The following LINGO2 variants were observed in gnomAD, a reference collection of about 807,000 sequenced individuals.
LINGO2 encodes the protein leucine rich repeat and Ig domain containing 2, also known as leucine-rich repeat and immunoglobulin-like domain-containing nogo receptor-interacting protein 2.
LINGO2 carries 14 observed loss-of-function variants against 30.6 expected under a neutral mutation model. The observed-to-expected ratio is 0.46, with a 90% CI of 0.30 to 0.72. The LOEUF (loss-of-function observed/expected upper bound fraction) is 0.72. Ranked by LOEUF, LINGO2 falls within the 30% of genes least tolerant of loss-of-function variation. The pLI is 0.07. For missense variants in LINGO2, 729 were observed against 751.7 expected (o/e 0.97, Z 0.35); for synonymous variants, 317 against 288.5 (o/e 1.10, Z -1.00).
the LINGO2 span, among the ~76,000 whole-genome samples, chr9:29,001,933 T>A: frequency 6.6e-6 from 1 of 152,064 alleles, no homozygotes; most frequent in Admixed American, 6.6e-5. Flanking sequence ...CCCACCTGCT[T>A]CTCTCTTCAT....
chr9:28,924,857 C>A, the LINGO2 span, among the ~76,000 whole-genome samples: 1 of 152,074 alleles, frequency 6.6e-6, no homozygotes, highest in Non-Finnish European at 1.5e-5. Flanking sequence ...ACATAATGAC[C>A]TTGTCTCTTT....
chr9:28,023,922 T>C (rs2119397663), intron 4 of LINGO2, among the ~76,000 whole-genome samples: 1 of 152,318 alleles, frequency 6.6e-6, no homozygotes, highest in Admixed American at 6.5e-5. Context: ...GAAGTTTTTC[T>C]ACCCATTTAT....
intron 4 of LINGO2, among the ~76,000 whole-genome samples, chr9:28,171,449 A>G (rs1266337612): frequency 6.6e-6 from 1 of 152,178 alleles, no homozygotes; most frequent in Non-Finnish European, 1.5e-5. Context: ...AAGGTCCTTC[A>G]TCAATACTAA....
At chr9:29,070,787 T>C in the LINGO2 span, among the ~76,000 whole-genome samples, 1 of 151,750 alleles carries the variant, frequency 6.6e-6, no homozygotes, top group African/African-American at 2.4e-5. Context: ...TTATTTTTTG[T>C]TCCTATGACA....
the LINGO2 span, among the ~76,000 whole-genome samples, chr9:28,920,452 G>A: frequency 6.6e-6 from 1 of 151,826 alleles, no homozygotes; most frequent in Non-Finnish European, 1.5e-5. Context: ...CATTCCCTCA[G>A]GATTTCATTT....
the LINGO2 span, among the ~76,000 whole-genome samples, chr9:28,789,524 T>C: frequency 6.6e-6 from 1 of 152,192 alleles, no homozygotes; most frequent in Non-Finnish European, 1.5e-5. Flanking sequence ...CCATATGTTT[T>C]ACTCTCCCTT....
the LINGO2 span, among the ~76,000 whole-genome samples, chr9:28,963,797 T>A: frequency 6.6e-6 from 1 of 151,790 alleles, no homozygotes; most frequent in Non-Finnish European, 1.5e-5. Context: ...GAAGAGGGGA[T>A]GAATAGAGAT....
intron 2 of LINGO2, among the ~76,000 whole-genome samples, chr9:28,434,946 C>T (rs1823863337): frequency 6.6e-6 from 1 of 152,056 alleles, no homozygotes; most frequent in South Asian, 2.1e-4. Context: ...TTAGAGTATT[C>T]CAGGCTCTCT....
chr9:28,533,150 C>T (rs1821300278), intron 1 of LINGO2, among the ~76,000 whole-genome samples: 1 of 152,016 alleles, frequency 6.6e-6, no homozygotes, highest in Non-Finnish European at 1.5e-5. Context: ...GTGGAAGGGG[C>T]TGACTTGCTG....
At chr9:28,453,851 T>C (rs1051238628) in intron 2 of LINGO2, among the ~76,000 whole-genome samples, 2 of 151,864 alleles carry the variant, frequency 1.3e-5, no homozygotes, top group Admixed American at 6.6e-5. Flanking sequence ...GAGTTGTTTT[T>C]CTGATTAGTG....
chr9:28,448,535 A>T (rs942349226), intron 2 of LINGO2, among the ~76,000 whole-genome samples: 3 of 152,138 alleles, frequency 2.0e-5, no homozygotes, highest in Admixed American at 2.0e-4. Context: ...AGGCAATTGC[A>T]GGGGAGGGAC....
the LINGO2 span, among the ~76,000 whole-genome samples, chr9:28,750,046 A>T: frequency 6.6e-6 from 1 of 152,240 alleles, no homozygotes; most frequent in Non-Finnish European, 1.5e-5. Flanking sequence ...TGGAGAAACC[A>T]AATTTAGGAG....
the LINGO2 span, among the ~76,000 whole-genome samples, chr9:29,183,046 CA>C: frequency 1.3e-5 from 2 of 152,070 alleles, no homozygotes; most frequent in Non-Finnish European, 1.5e-5. Flanking sequence ...ATAAAACTAG[CA>C]AATGACAAAC....
At chr9:28,084,434 T>C (rs1825853222) in intron 4 of LINGO2, among the ~76,000 whole-genome samples, 1 of 152,056 alleles carries the variant, frequency 6.6e-6, no homozygotes, top group Non-Finnish European at 1.5e-5. Flanking sequence ...ATACCTAAAT[T>C]GATATCAATC....
At chr9:27,998,682 T>TAG (rs1821791386) in intron 5 of LINGO2, among the ~76,000 whole-genome samples, 1 of 152,202 alleles carries the variant, frequency 6.6e-6, no homozygotes, top group East Asian at 1.9e-4. Flanking sequence ...TTGGGAGGTT[T>TAG]AGGCAGGAGA....
At chr9:29,101,817 G>T in the LINGO2 span, among the ~76,000 whole-genome samples, 214 of 152,234 alleles carry the variant, frequency 1.4e-3, no homozygotes, top group African/African-American at 5.0e-3. Context: ...TCTGTTGATG[G>T]ACACCTAGGT....
At chr9:27,943,541 G>C (rs534368781), downstream of LINGO2, 10 of 151,752 alleles carry the variant, frequency 6.6e-5, no homozygotes, top group South Asian at 1.9e-3. Context: ...CACTCAACCT[G>C]CAGATTGCTG....
the LINGO2 span, among the ~76,000 whole-genome samples, chr9:28,853,403 A>G: frequency 6.6e-6 from 1 of 152,064 alleles, no homozygotes; most frequent in African/African-American, 2.4e-5. Flanking sequence ...ACATGAAACT[A>G]GCTGTCAAAT....
intron 5 of LINGO2, among the ~76,000 whole-genome samples, chr9:27,976,699 A>G (rs1820611127): frequency 6.6e-6 from 1 of 152,076 alleles, no homozygotes; most frequent in Non-Finnish European, 1.5e-5. Flanking sequence ...ACGGCCTAAT[A>G]TTTCTAAATA....
Sources: gnomAD v4.1 joint callset for allele counts (sites outside exome capture counted in the v4.1 genomes callset) on GRCh38, gnomAD v4.1.1 for gene constraint, MANE v1.5 for transcripts, NCBI Gene and HGNC (gene_info 2026-07-23, HGNC 2026-07-21) for gene names.